GRAMD1B: variants seen among roughly 807,000 people sequenced by gnomAD.
The protein encoded by GRAMD1B is protein Aster-B.
In GRAMD1B, 37 loss-of-function variants were observed where a neutral mutation model predicts 99.7. The ratio of observed to expected loss-of-function variants is 0.37; its 90% CI spans 0.29 to 0.49. The LOEUF (loss-of-function observed/expected upper bound fraction) is 0.49, where lower values mean the gene tolerates loss of function less well. GRAMD1B is among the 20% of genes least tolerant of loss of function. The pLI, the probability that GRAMD1B is intolerant of heterozygous loss-of-function variation, is 0.98. For missense variants in GRAMD1B, 888 were observed against 1,009.2 expected, an observed-to-expected ratio of 0.88 and a Z score of 1.63; for synonymous variants, 427 against 387.6, an observed-to-expected ratio of 1.10 and a Z score of -1.19.
rs150220988 is a variant in GRAMD1B, at chr11:123,576,235, C to A, written c.453-1132C>A. On this transcript the variant is annotated intron_variant, in intron 2 of 19. Transcript: ENST00000635736. ...AGTGTCCCCAGCCCTGCACCCCACT[C>A]CCCGAGGGAAGGCTGGGATGCAGCC... Among the ~76,000 whole-genome samples, 388 of 152,356 alleles carry A rather than the reference C, an allele frequency of 2.5e-3. 2 individuals carry two copies. The highest frequency in any genetic ancestry group is 6.8e-3 in the Middle Eastern group (2 of 294).
intron 1 of GRAMD1B, chr11:123,459,073 C>T (rs1950291866): frequency 6.6e-6 from 1 of 152,126 alleles, no homozygotes; most frequent in South Asian, 2.1e-4. Context: ...TTTCTAGGAG[C>T]TTGTTGTAGC....
At chr11:123,560,319 C>CAG (rs201601465) in intron 2 of GRAMD1B, 29 of 1,145,072 alleles carry the variant, frequency 2.5e-5, no homozygotes, top group Middle Eastern at 8.1e-4. Flanking sequence ...GGGAGCCAGG[C>CAG]AGAGAGAGAG....
At chr11:123,412,436 C>G (rs945892732) in intron 1 of GRAMD1B, among the ~76,000 whole-genome samples, 24 of 152,150 alleles carry the variant, frequency 1.6e-4, no homozygotes, top group African/African-American at 5.8e-4. Context: ...CTCTTTCATG[C>G]AGAAAGAGAC....
intron 6 of GRAMD1B, among the ~76,000 whole-genome samples, chr11:123,595,540 C>T (rs903554017): frequency 1.1e-4 from 17 of 152,036 alleles, no homozygotes; most frequent in Non-Finnish European, 1.8e-4. Context: ...GTGATCCGCC[C>T]GCCTCCGCCT....
intron 2 of GRAMD1B, among the ~76,000 whole-genome samples, chr11:123,570,974 AG>A (rs932797259): frequency 3.9e-5 from 6 of 152,038 alleles, no homozygotes; most frequent in South Asian, 2.1e-4. Context: ...AGGTGTGGGG[AG>A]GGGGGCTGAC....
intron 2 of GRAMD1B, among the ~76,000 whole-genome samples, chr11:123,503,747 A>T (rs559581999): frequency 6.6e-6 from 1 of 152,204 alleles, no homozygotes; most frequent in East Asian, 1.9e-4. Flanking sequence ...AGGTTTCACC[A>T]TGTTGGTCAG....
chr11:123,612,254 TCA>T (rs1174474913), intron 14 of GRAMD1B, among the ~76,000 whole-genome samples: 1 of 152,128 alleles, frequency 6.6e-6, no homozygotes, highest in African/African-American at 2.4e-5. Context: ...GATGGGGGTC[TCA>T]CTCTGTTGCC....
intron 2 of GRAMD1B, among the ~76,000 whole-genome samples, chr11:123,519,836 G>A (rs1942029177): frequency 6.6e-6 from 1 of 152,212 alleles, no homozygotes; most frequent in African/African-American, 2.4e-5. Flanking sequence ...GGTGGAAAGA[G>A]CTCCAGATGA....
At chr11:123,367,229 G>A (rs570130979) in intron 1 of GRAMD1B, among the ~76,000 whole-genome samples, 11 of 152,198 alleles carry the variant, frequency 7.2e-5, no homozygotes, top group African/African-American at 2.4e-4. Flanking sequence ...CTGGAAACAA[G>A]GTACGCCTTG....
chr11:123,487,895 C>T (rs891527367), intron 2 of GRAMD1B, among the ~76,000 whole-genome samples: 3 of 152,214 alleles, frequency 2.0e-5, no homozygotes, highest in East Asian at 1.9e-4. Flanking sequence ...ACGTGAGCCA[C>T]GGCACCCAGC....
chr11:123,583,908 G>A (rs1360861873), intron 3 of GRAMD1B, among the ~76,000 whole-genome samples: 2 of 152,258 alleles, frequency 1.3e-5, no homozygotes, highest in African/African-American at 4.8e-5. Context: ...GCCTTTTACA[G>A]GGGGCTGTCT....
At chr11:123,461,748 G>C (rs140242368) in intron 1 of GRAMD1B, among the ~76,000 whole-genome samples, 6,763 of 151,982 alleles carry the variant, frequency 0.044, 432 homozygotes, top group East Asian at 0.13. Context: ...GGGATTACAG[G>C]TGTCCACCAC....
chr11:123,373,812 G>T (rs1736009192), intron 1 of GRAMD1B, among the ~76,000 whole-genome samples: 1 of 152,200 alleles, frequency 6.6e-6, no homozygotes, highest in African/African-American at 2.4e-5. Flanking sequence ...AACAAAATCA[G>T]ATAGGCTTCC....
intron 1 of GRAMD1B, among the ~76,000 whole-genome samples, chr11:123,423,692 T>C (rs1393178237): frequency 1.3e-5 from 2 of 152,202 alleles, no homozygotes; most frequent in African/African-American, 2.4e-5. Context: ...TTATAGGATA[T>C]AGCATCATTT....
chr11:123,522,619 G>A (rs562118014), intron 2 of GRAMD1B, among the ~76,000 whole-genome samples: 32 of 152,118 alleles, frequency 2.1e-4, no homozygotes, highest in East Asian at 7.8e-4. Flanking sequence ...ATGCCCAGCC[G>A]AGATTTTCTT....
chr11:123,491,139 C>T (rs1433452158), intron 2 of GRAMD1B, among the ~76,000 whole-genome samples: 1 of 152,044 alleles, frequency 6.6e-6, no homozygotes, highest in Non-Finnish European at 1.5e-5. Context: ...TTGAGACCAG[C>T]GTGGCCAAAA....
At chr11:123,513,909 G>A (rs886696590) in intron 2 of GRAMD1B, among the ~76,000 whole-genome samples, 1 of 152,026 alleles carries the variant, frequency 6.6e-6, no homozygotes, top group Admixed American at 6.6e-5. Flanking sequence ...TGCCACCTTG[G>A]CCTCCCACAG....
intron 4 of GRAMD1B, among the ~76,000 whole-genome samples, chr11:123,589,612 TTTTATATATA>T (rs1565423855): frequency 3.8e-5 from 5 of 130,674 alleles, no homozygotes; most frequent in South Asian, 4.6e-4. Flanking sequence ...TGTGGCTAAT[TTTTATATATA>T]TATATATATA....
chr11:123,360,723 T>C (rs1946110299), intron 1 of GRAMD1B, among the ~76,000 whole-genome samples: 1 of 152,050 alleles, frequency 6.6e-6, no homozygotes, highest in South Asian at 2.1e-4. Flanking sequence ...AGGCCTGAAA[T>C]GAAATCACAT....
Sources: gnomAD v4.1 joint callset for allele counts (sites outside exome capture counted in the v4.1 genomes callset) on GRCh38, gnomAD v4.1.1 for gene constraint, MANE v1.5 for transcripts, NCBI Gene and HGNC (gene_info 2026-07-23, HGNC 2026-07-21) for gene names.